The following ARHGAP24 variants were observed in gnomAD, a reference collection of about 807,000 sequenced individuals.
ARHGAP24 encodes the protein Rho GTPase activating protein 24, also known as rho GTPase-activating protein 24.
Under a neutral mutation model 76.4 loss-of-function variants are expected in ARHGAP24, and 50 were observed. The observed-to-expected ratio is 0.65, with a 90% CI of 0.52 to 0.83. The LOEUF is 0.83. ARHGAP24 is among the 40% of genes least tolerant of loss of function. The pLI is 0.00. For synonymous variants in ARHGAP24, 345 were observed against 323.3 expected, an observed-to-expected ratio of 1.07 and a Z score of -0.72; for missense variants, 930 against 914.2, an observed-to-expected ratio of 1.02 and a Z score of -0.22.
At chr4:85,906,115 T>C (rs1734755547) in intron 3 of ARHGAP24, among the ~76,000 whole-genome samples, 1 of 152,198 alleles carries the variant, frequency 6.6e-6, no homozygotes. Flanking sequence ...TTAAAATTTT[T>C]CACTCTTCTC....
intron 1 of ARHGAP24, among the ~76,000 whole-genome samples, chr4:85,532,953 T>C (rs1014932802): frequency 6.6e-6 from 1 of 152,192 alleles, no homozygotes; most frequent in African/African-American, 2.4e-5. Flanking sequence ...CTGTGCTGAC[T>C]TGGGAGAAGA....
intron 2 of ARHGAP24, among the ~76,000 whole-genome samples, chr4:85,710,590 A>G (rs913439311): frequency 5.3e-5 from 8 of 152,174 alleles, no homozygotes; most frequent in African/African-American, 1.7e-4. Flanking sequence ...AACATCTAGC[A>G]TCTATAAAGA....
chr4:85,625,991 T>A (rs1438870991), intron 2 of ARHGAP24, among the ~76,000 whole-genome samples: 20 of 152,224 alleles, frequency 1.3e-4, no homozygotes, highest in Admixed American at 1.3e-3. Flanking sequence ...GTTTCCTGAA[T>A]ACAGCACACT....
chr4:85,835,832 C>T (rs185367894), intron 3 of ARHGAP24, among the ~76,000 whole-genome samples: 1 of 151,990 alleles, frequency 6.6e-6, no homozygotes, highest in Non-Finnish European at 1.5e-5. Flanking sequence ...ATTACAGGTG[C>T]GTGCCACCAT....
chr4:85,985,848 G>A (rs937124584), intron 8 of ARHGAP24, among the ~76,000 whole-genome samples: 1 of 152,174 alleles, frequency 6.6e-6, no homozygotes, highest in Admixed American at 6.5e-5. Context: ...TAACCCCTGA[G>A]ATACAACAGG....
intron 3 of ARHGAP24, among the ~76,000 whole-genome samples, chr4:85,911,603 T>C (rs723570): frequency 0.16 from 24,479 of 152,194 alleles, 2,068 homozygotes; most frequent in South Asian, 0.3. Flanking sequence ...CTTATTTTGC[T>C]AAGGACAGTC....
intron 5 of ARHGAP24, 181 bp downstream of exon 5, chr4:85,942,454 G>T: frequency 1.5e-6 from 1 of 652,570 alleles, no homozygotes; most frequent in South Asian, 2.0e-5. Context: ...GGGCACCTTA[G>T]ATATCTTTCT....
chr4:85,778,481 G>A lies in ARHGAP24; in HGVS notation c.268+56509G>A, dbSNP rs189850524. Among the ~76,000 whole-genome samples the A allele has an allele frequency of 1.2e-3, 188 of 152,278 alleles. 1 individual carries two copies. Among genetic ancestry groups the A allele is most frequent in the Middle Eastern group, 0.01 (3 of 294 alleles). ...TTGTTAACTGTGGCACTAACTAGCC[G>A]TGTGAGTGACCTTATACAAATCATA... On this transcript the variant is annotated intron_variant, in intron 3 of 9. Transcript: ENST00000395184.
At chr4:85,838,786 C>A (rs562294670) in intron 3 of ARHGAP24, among the ~76,000 whole-genome samples, 1 of 152,234 alleles carries the variant, frequency 6.6e-6, no homozygotes, top group East Asian at 1.9e-4. Flanking sequence ...TTCCCTCCCC[C>A]ACTAAGTCCA....
intron 2 of ARHGAP24, among the ~76,000 whole-genome samples, chr4:85,595,404 G>A (rs1030247990): frequency 3.3e-5 from 5 of 152,056 alleles, no homozygotes; most frequent in African/African-American, 9.7e-5. Context: ...TAGTTATCTG[G>A]TAGGCATGAG....
At chr4:85,651,237 A>G (rs1721930259) in intron 2 of ARHGAP24, among the ~76,000 whole-genome samples, 2 of 149,382 alleles carry the variant, frequency 1.3e-5, no homozygotes. Flanking sequence ...TCTAAATGTA[A>G]TGGAAAGATA....
At chr4:85,761,226 T>G (rs1726720972) in intron 3 of ARHGAP24, among the ~76,000 whole-genome samples, 1 of 152,170 alleles carries the variant, frequency 6.6e-6, no homozygotes, top group South Asian at 2.1e-4. Context: ...CTCTTGTTAT[T>G]TCATGTTTTA....
At chr4:85,748,429 G>GTGAT (rs1378160644) in intron 3 of ARHGAP24, among the ~76,000 whole-genome samples, 5 of 152,210 alleles carry the variant, frequency 3.3e-5, no homozygotes, top group Admixed American at 6.5e-5. Context: ...ATTGAAAGCA[G>GTGAT]TGATACTGCT....
In ARHGAP24 at chr4:85,978,204, T is replaced by C. The variant is rs550622586; in HGVS notation, c.928+513T>C. On this transcript the variant is annotated intron_variant, in intron 8 of 9. Coordinates refer to ENST00000395184, the MANE Select transcript of ARHGAP24 (RefSeq NM_001025616.3). ...TTCCACAATGAACTGTACTTTGTGTTTTTTCCCAGCAGGCCTAGGTGCTCT... is the reference window on the plus strand; with the variant it reads ...TTCCACAATGAACTGTACTTTGTGTCTTTTCCCAGCAGGCCTAGGTGCTCT... 2.0e-5 allele frequency among the ~76,000 whole-genome samples: 3 copies of C among 152,326 alleles called. No homozygotes were observed. In the East Asian group the frequency reaches 5.8e-4, roughly 29 times the overall value.
intron 2 of ARHGAP24, among the ~76,000 whole-genome samples, chr4:85,675,319 ATCTACCCTTTCTAG>A (rs1418801390): frequency 1.3e-5 from 2 of 152,210 alleles, no homozygotes; most frequent in Non-Finnish European, 2.9e-5. Flanking sequence ...ACGTTGTATC[ATCTACCCTTTCTAG>A]TCCTCTATGA....
rs532221706 is a variant in ARHGAP24 at position 85,797,880 on chromosome 4, AG to A, written c.268+75914del. Among the ~76,000 whole-genome samples, 533 of 152,312 alleles carry A rather than the reference AG, an allele frequency of 3.5e-3. 5 individuals carry two copies. The highest frequency in any genetic ancestry group is 0.012 in the African/African-American group (510 of 41,574). On this transcript the variant is annotated intron_variant, in intron 3 of 9. Coordinates refer to ENST00000395184, the MANE Select transcript of ARHGAP24 (RefSeq NM_001025616.3). Reference sequence around the variant, plus strand: ...AAGTAATTATTTCGGAGGGGAAAGGAGGGGGGCAAAACAACCTTGAATAAAT... The same window carrying A: ...AAGTAATTATTTCGGAGGGGAAAGGAGGGGGCAAAACAACCTTGAATAAAT...
rs188619869 is a variant in ARHGAP24, at chr4:85,979,187, C to T, written c.928+1496C>T. 2.3e-4 allele frequency among the ~76,000 whole-genome samples: 35 copies of T among 152,186 alleles called. No homozygotes were observed. In the East Asian group the frequency reaches 5.8e-3, roughly 25 times the overall value. On this transcript the variant is annotated intron_variant, in intron 8 of 9. Coordinates refer to ENST00000395184, the MANE Select transcript of ARHGAP24 (RefSeq NM_001025616.3). ...GGCGTGACCTTTGATTGTGTTGTGT[C>T]CTTTAATCAGGAGACACATAATGTC... is the stretch of plus-strand genomic sequence containing the variant.
intron 3 of ARHGAP24, among the ~76,000 whole-genome samples, chr4:85,769,300 G>T (rs1412100169): frequency 6.6e-6 from 1 of 152,130 alleles, no homozygotes; most frequent in Non-Finnish European, 1.5e-5. Context: ...CAAGCATCTT[G>T]ACTCTTAGTA....
intron 5 of ARHGAP24, among the ~76,000 whole-genome samples, chr4:85,950,928 C>T (rs1178144420): frequency 6.6e-6 from 1 of 152,132 alleles, no homozygotes; most frequent in African/African-American, 2.4e-5. Flanking sequence ...ATCCACCCAC[C>T]TCGGCCTCCC....
Sources: allele counts gnomAD v4.1 joint callset (sites outside exome capture counted in the v4.1 genomes callset), GRCh38; gene constraint gnomAD v4.1.1; transcripts MANE v1.5; gene names NCBI Gene and HGNC (gene_info 2026-07-23, HGNC 2026-07-21).